Variants in SPEF2 observed in about 807,000 individuals in gnomAD.
SPEF2 encodes sperm flagellar and cilia associated 2.
Under a neutral mutation model 224.6 loss-of-function variants are expected in SPEF2, and 187 were observed. The observed-to-expected ratio is 0.83, with a 90% confidence interval of 0.74 to 0.94. The LOEUF (loss-of-function observed/expected upper bound fraction) is 0.94, where lower values mean the gene tolerates loss of function less well. Among genes scored for constraint, SPEF2 ranks in the 40% least tolerant of loss-of-function variants. The pLI is 0.00. For synonymous variants in SPEF2, 715 were observed against 707.3 expected (o/e 1.01, Z -0.17); for missense variants, 2,170 against 2,135.6 (o/e 1.02, Z -0.32).
intron 21 of SPEF2, among the ~76,000 whole-genome samples, chr5:35,738,627 A>G (rs1458517102): frequency 6.6e-6 from 1 of 150,486 alleles, no homozygotes; most frequent in Non-Finnish European, 1.5e-5. Context: ...TAATCTGGGC[A>G]CAATGGTTTT....
At chr5:35,786,514 G>A (rs1055561577) in intron 30 of SPEF2, among the ~76,000 whole-genome samples, 1 of 152,112 alleles carries the variant, frequency 6.6e-6, no homozygotes, top group Non-Finnish European at 1.5e-5. Flanking sequence ...ACAAAAATTA[G>A]CCGGGCGTGG....
intron 10 of SPEF2, among the ~76,000 whole-genome samples, chr5:35,683,556 TG>T (rs1477889933): frequency 1.3e-5 from 2 of 152,138 alleles, no homozygotes; most frequent in Middle Eastern, 3.2e-3. Flanking sequence ...ACTCGAGAGA[TG>T]GAGGCTACAG....
chr5:35,724,973 C>G (rs1744387103), intron 20 of SPEF2, among the ~76,000 whole-genome samples: 1 of 152,058 alleles, frequency 6.6e-6, no homozygotes, highest in Admixed American at 6.5e-5. Context: ...TTGTAGTTGT[C>G]CACATTCTGT....
In SPEF2 at chr5:35,759,470, A is replaced by C; in HGVS notation, c.3469-98A>C. 3 of 1,072,782 alleles carry C rather than the reference A, an allele frequency of 2.8e-6. No individual in the cohort carries two copies. In the South Asian group the frequency reaches 9.9e-5, roughly 36 times the overall value. 66.5% of individuals were successfully genotyped at this position (1,072,782 alleles called of 1,614,324 possible). On this transcript the variant is annotated intron_variant, in intron 24 of 36. Transcript: ENST00000356031. ...TTTCCAGAAAATTATTTTCAATCTA[A>C]ATGTTTTCAAAATAGTGCTTTCAGA... is the stretch of plus-strand genomic sequence containing the variant.
At chr5:35,811,687 T>G (rs1758541653) in intron 36 of SPEF2, among the ~76,000 whole-genome samples, 1 of 151,660 alleles carries the variant, frequency 6.6e-6, no homozygotes, top group East Asian at 1.9e-4. Context: ...TCCTGGAAGA[T>G]AGAAAGCACT....
Position 35,779,246 on chromosome 5 carries a change from A to T in SPEF2, c.4347A>T (p.Pro1449=). The T allele has an allele frequency of 6.2e-7, 1 of 1,613,954 alleles. No individual in the cohort carries two copies. Among genetic ancestry groups the T allele is most frequent in the Non-Finnish European group, 8.5e-7 (1 of 1,179,886 alleles). ...TAAAAGTCTTCCCAGATCCTCCCCC[A>T]TCAATACGTCCTCCACCTGTAGAAA... ...GNIKVFPDPP[P]SIRPPPVEKE... Residue 1449 remains proline (P), a synonymous_variant, in exon 30 of 37, where the codon CCA becomes CCT. Transcript: ENST00000356031.
chr5:35,666,544 A>G (rs1278758832), intron 8 of SPEF2, among the ~76,000 whole-genome samples: 1 of 152,192 alleles, frequency 6.6e-6, no homozygotes, highest in African/African-American at 2.4e-5. Flanking sequence ...TTTGTTGGCA[A>G]ATGTGTTATA....
At chr5:35,709,681 A>C in intron 19 of SPEF2, 2 of 985,320 alleles carry the variant, frequency 2.0e-6, no homozygotes, top group Non-Finnish European at 2.4e-6. Flanking sequence ...TAGATAGAGA[A>C]CACTTTTAGT....
chr5:35,763,515 C>T lies in SPEF2; in HGVS notation c.3621-7C>T. 1 of 1,533,786 alleles carries T rather than the reference C, an allele frequency of 6.5e-7. No homozygotes were observed. The highest frequency in any genetic ancestry group is 8.7e-7 in the Non-Finnish European group (1 of 1,144,874). ...TTTTATCCTTTTTGCTTGTTTGTTTCTCAAAGAATTCCTCTAGTTCCTCGA... is the reference window on the plus strand; with the variant it reads ...TTTTATCCTTTTTGCTTGTTTGTTTTTCAAAGAATTCCTCTAGTTCCTCGA... On this transcript the variant is annotated splice_polypyrimidine_tract_variant and splice_region_variant and intron_variant, in intron 25 of 36. Coordinates refer to ENST00000356031, the MANE Select transcript of SPEF2 (RefSeq NM_024867.4).
intron 2 of SPEF2, among the ~76,000 whole-genome samples, chr5:35,637,087 G>A (rs945429962): frequency 1.3e-5 from 2 of 152,072 alleles, no homozygotes; most frequent in Admixed American, 6.6e-5. Context: ...TAAACTGCTG[G>A]TTTTTATAGC....
intron 3 of SPEF2, among the ~76,000 whole-genome samples, chr5:35,643,086 A>G (rs979268956): frequency 6.6e-6 from 1 of 152,212 alleles, no homozygotes. Flanking sequence ...AAAAGAGTGG[A>G]CTAACTGGAG....
At chr5:35,622,646 T>C (rs1470519651) in intron 1 of SPEF2, among the ~76,000 whole-genome samples, 1 of 152,188 alleles carries the variant, frequency 6.6e-6, no homozygotes, top group Non-Finnish European at 1.5e-5. Context: ...TTCTCATACT[T>C]AAACACTCAG....
rs115010574 is a variant in SPEF2, at chr5:35,695,382, A to G, written c.1976-353A>G. 9.0e-3 allele frequency among the ~76,000 whole-genome samples: 1,366 copies of G among 152,248 alleles called. 17 individuals are homozygous for G. The highest frequency in any genetic ancestry group is 0.032 in the African/African-American group (1,329 of 41,556). ...AGGAAAATAAAAGTGTAAAAAAATA[A>G]CATTTTAACATTTTTTTGAAAAACT... On this transcript the variant is annotated intron_variant, in intron 13 of 36. Coordinates refer to ENST00000356031, the MANE Select transcript of SPEF2 (RefSeq NM_024867.4).
intron 11 of SPEF2, 84 bp downstream of exon 11, chr5:35,691,340 A>C: frequency 2.7e-6 from 3 of 1,092,734 alleles, no homozygotes; most frequent in Non-Finnish European, 1.3e-6. Context: ...TATAAAAAAC[A>C]TACAAGAAGC....
intron 21 of SPEF2, among the ~76,000 whole-genome samples, chr5:35,732,535 A>C (rs536488990): frequency 3.3e-5 from 5 of 152,326 alleles, no homozygotes; most frequent in African/African-American, 1.2e-4. Context: ...TGAACCCTTA[A>C]GGTACGGTTA....
chr5:35,727,710 C>T lies in SPEF2; in HGVS notation c.2950C>T (p.Pro984Ser). The T allele has an allele frequency of 6.2e-7, 1 of 1,613,552 alleles. No individual in the cohort carries two copies. ...AGGAAAATCATCAGGAGGAAAAGTA[C>T]CAGTAAAGAAATCACCTGCTGACTC... ...PKGKSSGGKV[P>S]VKKSPADSTD... is the part of the protein sequence containing the mutation. Residue 984 changes from proline to serine, a missense_variant, in exon 21 of 37, where the codon CCA becomes TCA. By Grantham distance (74) the Pro-to-Ser change is moderately conservative. Coordinates refer to ENST00000356031, the MANE Select transcript of SPEF2 (RefSeq NM_024867.4).
chr5:35,811,574 T>C (rs901698565), intron 36 of SPEF2, among the ~76,000 whole-genome samples: 3 of 151,274 alleles, frequency 2.0e-5, no homozygotes, highest in African/African-American at 7.3e-5. Flanking sequence ...CCTTGGTGTC[T>C]GCATCTGTAA....
chr5:35,796,598 C>A (rs1171978367), intron 33 of SPEF2, among the ~76,000 whole-genome samples: 1 of 109,186 alleles, frequency 9.2e-6, no homozygotes, highest in African/African-American at 3.6e-5. Flanking sequence ...GGCGAAAGAG[C>A]GAGACTGTCT....
intron 5 of SPEF2, among the ~76,000 whole-genome samples, chr5:35,648,126 G>C (rs762448022): frequency 2.6e-5 from 4 of 151,974 alleles, no homozygotes; most frequent in African/African-American, 9.7e-5. Context: ...TTCCCATTTC[G>C]TAGATGAGGA....
Sources: allele counts gnomAD v4.1 joint callset (sites outside exome capture counted in the v4.1 genomes callset), GRCh38; gene constraint gnomAD v4.1.1; transcripts MANE v1.5; gene names NCBI Gene and HGNC (gene_info 2026-07-23, HGNC 2026-07-21).